The following EDIL3 variants were observed in gnomAD, a reference collection of about 807,000 sequenced individuals.
EDIL3 encodes EGF like and discoidin domains 3.
In EDIL3, 37 loss-of-function variants were observed where a neutral mutation model predicts 67.4. The observed-to-expected ratio is 0.55, with a 90% CI of 0.42 to 0.72. The LOEUF (loss-of-function observed/expected upper bound fraction) is 0.72, where lower values mean the gene tolerates loss of function less well. Ranked by LOEUF, EDIL3 falls within the 30% of genes least tolerant of loss-of-function variation. The pLI is 0.00. For missense variants in EDIL3, 527 were observed against 586.3 expected (o/e 0.90, Z 1.04); for synonymous variants, 195 against 196.3 (o/e 0.99, Z 0.05).
intron 8 of EDIL3, among the ~76,000 whole-genome samples, chr5:84,063,032 C>T (rs746929155): frequency 1.7e-4 from 26 of 152,096 alleles, no homozygotes; most frequent in South Asian, 4.1e-4. Context: ...ATTTGCTGTG[C>T]TGGGAGATGC....
At chr5:84,154,472 T>C (rs1363121543) in intron 4 of EDIL3, among the ~76,000 whole-genome samples, 3 of 152,152 alleles carry the variant, frequency 2.0e-5, no homozygotes, top group African/African-American at 7.2e-5. Flanking sequence ...GAGGCTGTTC[T>C]AGCATTACAG....
At chr5:83,992,508 G>A (rs1303128554) in intron 9 of EDIL3, among the ~76,000 whole-genome samples, 1 of 152,080 alleles carries the variant, frequency 6.6e-6, no homozygotes, top group East Asian at 1.9e-4. Context: ...AATTAACAAA[G>A]CAGCGAGGAA....
At chr5:84,031,291 A>T (rs1257090773) in intron 9 of EDIL3, among the ~76,000 whole-genome samples, 4 of 152,220 alleles carry the variant, frequency 2.6e-5, no homozygotes, top group Admixed American at 2.6e-4. Context: ...CTGATTTTTT[A>T]AAATATGAAA....
intron 1 of EDIL3, among the ~76,000 whole-genome samples, chr5:84,291,006 C>G (rs989925410): frequency 6.6e-6 from 1 of 152,108 alleles, no homozygotes; most frequent in African/African-American, 2.4e-5. Context: ...CTCTACTAAG[C>G]CAGAGAAGTT....
intron 3 of EDIL3, 135 bp downstream of exon 3, chr5:84,229,720 T>A (rs546734811): frequency 6.1e-5 from 53 of 873,730 alleles, no homozygotes; most frequent in Non-Finnish European, 8.4e-5. Context: ...TCAGCAAATA[T>A]AAAAGTAAAT....
intron 1 of EDIL3, among the ~76,000 whole-genome samples, chr5:84,255,718 T>C (rs1745110947): frequency 2.0e-5 from 3 of 152,172 alleles, no homozygotes; most frequent in Non-Finnish European, 4.4e-5. Context: ...CAGGTTATGA[T>C]TTCTGTCAAA....
At chr5:84,132,444 T>TTAATATATATTATATATTTTATATA in intron 5 of EDIL3, among the ~76,000 whole-genome samples, 1 of 109,202 alleles carries the variant, frequency 9.2e-6, no homozygotes, top group African/African-American at 3.8e-5. Flanking sequence ...AATATATATT[T>TTAATATATATTATATATTTTATATA]TAACATATAT....
intron 4 of EDIL3, among the ~76,000 whole-genome samples, chr5:84,143,090 T>C (rs548174711): frequency 6.6e-6 from 1 of 152,090 alleles, no homozygotes; most frequent in Non-Finnish European, 1.5e-5. Context: ...AAGCCTATGA[T>C]CTTTCAATTT....
chr5:83,981,832 A>G (rs1363573465), intron 9 of EDIL3, among the ~76,000 whole-genome samples: 2 of 152,044 alleles, frequency 1.3e-5, no homozygotes, highest in African/African-American at 4.8e-5. Context: ...ACATTAAGTC[A>G]TTCATTTTAA....
At chr5:84,225,806 A>G (rs2112404936) in intron 3 of EDIL3, among the ~76,000 whole-genome samples, 1 of 151,760 alleles carries the variant, frequency 6.6e-6, no homozygotes, top group African/African-American at 2.4e-5. Context: ...TACATTAAAA[A>G]TGTTTACTAA....
At chr5:84,203,741 CATA>C (rs1257716291) in intron 3 of EDIL3, among the ~76,000 whole-genome samples, 1 of 152,128 alleles carries the variant, frequency 6.6e-6, no homozygotes, top group East Asian at 1.9e-4. Context: ...TTTTTAGACT[CATA>C]ATAAGACAAT....
intron 9 of EDIL3, among the ~76,000 whole-genome samples, chr5:83,965,118 C>T (rs1224936769): frequency 1.3e-5 from 2 of 152,010 alleles, no homozygotes; most frequent in African/African-American, 4.8e-5. Context: ...CTTAGCATAA[C>T]GGATCAGTCA....
intron 1 of EDIL3, among the ~76,000 whole-genome samples, chr5:84,361,972 T>C (rs2112201922): frequency 6.6e-6 from 1 of 152,186 alleles, no homozygotes; most frequent in African/African-American, 2.4e-5. Context: ...GTTTTCTGCA[T>C]GTGGCTTCAT....
rs370267444 is a variant in EDIL3, at chr5:84,215,434, A to G, written c.226+14421T>C. ...ACACCTGGCTAATTTTTTGTATTTT[A>G]GTAGAGATGGGGCTTCACTGTGTTA... On this transcript the variant is annotated intron_variant, in intron 3 of 10. Transcript: ENST00000296591. 5.3e-5 allele frequency among the ~76,000 whole-genome samples: 8 copies of G among 152,114 alleles called. No homozygotes were observed. In the East Asian group the frequency reaches 9.7e-4, roughly 18 times the overall value.
intron 9 of EDIL3, chr5:84,048,082 G>A (rs1746257220): frequency 3.7e-6 from 1 of 267,660 alleles, no homozygotes; most frequent in Non-Finnish European, 7.5e-6. Flanking sequence ...TACTATAGAA[G>A]AACGGAAGCT....
In EDIL3 at chr5:84,256,119, A is replaced by ATCTAT. The variant is rs71607708; in HGVS notation, c.68-1908_68-1907insATAGA. ...CTATCATTTATATACTTATCATCTA[A>ATCTAT]CTATCTATCTATCTATCTATCTATC... On this transcript the variant is annotated intron_variant, in intron 1 of 10. Transcript: ENST00000296591. Among the ~76,000 whole-genome samples the ATCTAT allele has an allele frequency of 3.0e-3, 446 of 147,118 alleles. 2 individuals carry two copies. Among genetic ancestry groups the ATCTAT allele is most frequent in the African/African-American group, 0.01 (396 of 39,420 alleles).
chr5:84,172,620 A>G (rs1748832454), intron 4 of EDIL3, among the ~76,000 whole-genome samples: 1 of 152,072 alleles, frequency 6.6e-6, no homozygotes, highest in Admixed American at 6.5e-5. Context: ...AAAAAAATAA[A>G]AATAAAAGAA....
At chr5:84,174,119 G>A (rs974939031) in intron 4 of EDIL3, among the ~76,000 whole-genome samples, 1 of 152,180 alleles carries the variant, frequency 6.6e-6, no homozygotes, top group African/African-American at 2.4e-5. Flanking sequence ...TGCCTACTGT[G>A]AGGGTGGAGA....
At chr5:84,206,182 T>C (rs1198653121) in intron 3 of EDIL3, among the ~76,000 whole-genome samples, 1 of 152,200 alleles carries the variant, frequency 6.6e-6, no homozygotes, top group Non-Finnish European at 1.5e-5. Flanking sequence ...CCAGTAGTCA[T>C]TCAGGAGCAG....
Sources: allele counts gnomAD v4.1 joint callset (sites outside exome capture counted in the v4.1 genomes callset), GRCh38; gene constraint gnomAD v4.1.1; transcripts MANE v1.5; gene names NCBI Gene and HGNC (gene_info 2026-07-23, HGNC 2026-07-21).